Variants in GALNT9 observed in about 807,000 individuals in gnomAD.
GALNT9 encodes the protein polypeptide N-acetylgalactosaminyltransferase 9, also known as GalNAc transferase 9.
In GALNT9, 47 loss-of-function variants were observed where a neutral mutation model predicts 63.1. That is an observed-to-expected ratio of 0.75 (90% CI 0.59 to 0.95). The LOEUF (loss-of-function observed/expected upper bound fraction) is 0.95, where lower values mean the gene tolerates loss of function less well. Among genes scored for constraint, GALNT9 ranks in the 40% least tolerant of loss-of-function variants. The probability of loss-of-function intolerance (pLI) is 0.00; values close to 1 mark genes in which losing one functional copy is unlikely to be tolerated. For missense variants in GALNT9, 829 were observed against 874.8 expected (o/e 0.95, Z 0.66); for synonymous variants, 396 against 365.7 (o/e 1.08, Z -0.94).
intron 6 of GALNT9, among the ~76,000 whole-genome samples, chr12:132,213,671 G>A (rs1028360124): frequency 2.0e-5 from 3 of 152,226 alleles, no homozygotes; most frequent in Admixed American, 2.0e-4. Context: ...AGCTCATTCT[G>A]TGAGCACCTA....
rs1878704013 is a variant in GALNT9, at chr12:132,246,259, A to C, written c.1077+1651T>G. Among the ~76,000 whole-genome samples, 1 of 152,226 alleles carries C rather than the reference A, an allele frequency of 6.6e-6. No individual in the cohort carries two copies. The highest frequency in any genetic ancestry group is 1.5e-5 in the Non-Finnish European group (1 of 68,050). The stretch of plus-strand genomic sequence containing the variant: ...TTTAAAAATGTGTAATTGAGGATTG[A>C]TTCTAGATGTGCAGTTTAAAATCGG... On this transcript the variant is annotated intron_variant, in intron 6 of 10. Transcript: ENST00000328957. This position sits in a 1 kb window ranked among gnomAD's most constrained non-coding sequence, Gnocchi z 4.7.
chr12:132,214,446 C>T lies in GALNT9; in HGVS notation c.1078-10756G>A, dbSNP rs76671685. On this transcript the variant is annotated intron_variant, in intron 6 of 10. Coordinates refer to ENST00000328957, the MANE Select transcript of GALNT9 (RefSeq NM_001122636.2). Reference sequence around the variant, plus strand: ...CTAGAGCTAGTGAGCACCCCCCCAGCGTCTTTCCAAATGCAAACCAGGCAA... The same window carrying T: ...CTAGAGCTAGTGAGCACCCCCCCAGTGTCTTTCCAAATGCAAACCAGGCAA... Among the ~76,000 whole-genome samples the T allele has an allele frequency of 6.9e-3, 1,048 of 152,348 alleles. 15 individuals are homozygous for T. The highest frequency in any genetic ancestry group is 0.022 in the African/African-American group (930 of 41,588).
intron 6 of GALNT9, among the ~76,000 whole-genome samples, chr12:132,225,364 TCA>T (rs1215616416): frequency 2.9e-5 from 3 of 103,738 alleles, no homozygotes; most frequent in African/African-American, 1.2e-4. Context: ...ACCACACAAC[TCA>T]CACCCCACAC....
chr12:132,226,032 C>T (rs1299243867), intron 6 of GALNT9, among the ~76,000 whole-genome samples: 1 of 140,422 alleles, frequency 7.1e-6, no homozygotes, highest in East Asian at 2.3e-4. Flanking sequence ...CCACATACAC[C>T]CCATACACAC....
At position 132,197,260 on chromosome 12, in the gene GALNT9, G is replaced by A; in HGVS notation, c.1666-7C>T. ...GGCTCACAATGGGGCCACTCTGTGG[G>A]GACAGGCACATCAAGTCAGCCAGGT... On this transcript the variant is annotated splice_region_variant and splice_polypyrimidine_tract_variant and intron_variant, in intron 10 of 10. Coordinates refer to ENST00000328957, the MANE Select transcript of GALNT9 (RefSeq NM_001122636.2). 9.3e-6 allele frequency: 15 copies of A among 1,610,298 alleles called. No homozygotes were observed. Among genetic ancestry groups the A allele is most frequent in the Non-Finnish European group, 1.2e-5 (14 of 1,179,590 alleles).
intron 2 of GALNT9, chr12:132,283,686 T>A (rs1173882974): frequency 6.6e-6 from 1 of 152,024 alleles, no homozygotes; most frequent in East Asian, 1.9e-4. Flanking sequence ...GCTCGGGGGC[T>A]CCTGGCTGGC....
chr12:132,243,345 T>C (rs1555237618), intron 6 of GALNT9, among the ~76,000 whole-genome samples: 1 of 138,152 alleles, frequency 7.2e-6, no homozygotes, highest in South Asian at 2.5e-4. Context: ...CGGGGGGCCA[T>C]CAGGGCCCCC....
At chr12:132,303,943 G>A (rs1346601984) in intron 1 of GALNT9, among the ~76,000 whole-genome samples, 2 of 38,870 alleles carry the variant, frequency 5.1e-5, no homozygotes, top group African/African-American at 2.1e-4. Context: ...ACCCTCGCCC[G>A]GGCACACCCT....
chr12:132,207,886 A>G (rs1185019846), intron 6 of GALNT9, among the ~76,000 whole-genome samples: 1 of 152,212 alleles, frequency 6.6e-6, no homozygotes, highest in East Asian at 1.9e-4. Context: ...TCCCTGCAAA[A>G]CAGGGAAAGA....
rs1297024874 is a variant in GALNT9, at chr12:132,304,502, C to T, written c.239-18072G>A. Reference sequence around the variant, plus strand: ...ACGCTCACCCAGACACACCCTTGCCCGGGCACACCCTCGCCCGGACACACC... The same window carrying T: ...ACGCTCACCCAGACACACCCTTGCCTGGGCACACCCTCGCCCGGACACACC... On this transcript the variant is annotated intron_variant, in intron 1 of 10. Coordinates refer to ENST00000328957, the MANE Select transcript of GALNT9 (RefSeq NM_001122636.2). 9.4e-5 allele frequency among the ~76,000 whole-genome samples: 6 copies of T among 63,964 alleles called. 1 individual carries two copies. Among genetic ancestry groups the T allele is most frequent in the East Asian group, 6.9e-4 (1 of 1,458 alleles). The allele number at this position is 63,964 out of a possible 152,430, so 42.0% of individuals were successfully genotyped here.
intron 4 of GALNT9, 26 bp from the exon 5 acceptor site, chr12:132,257,912 G>A: frequency 6.8e-7 from 1 of 1,461,618 alleles, no homozygotes; most frequent in Non-Finnish European, 9.3e-7. Flanking sequence ...TGTGAGGAGG[G>A]GCGGCCCCAG....
chr12:132,285,798 C>G (rs1372924902), intron 2 of GALNT9, among the ~76,000 whole-genome samples: 1 of 152,012 alleles, frequency 6.6e-6, no homozygotes, highest in Non-Finnish European at 1.5e-5. Flanking sequence ...GAAGGATGCC[C>G]GCAGCCAAAA....
intron 6 of GALNT9, among the ~76,000 whole-genome samples, chr12:132,222,576 G>A (rs1214699002): frequency 6.6e-6 from 1 of 152,058 alleles, no homozygotes; most frequent in Non-Finnish European, 1.5e-5. Context: ...GGGGCACCGC[G>A]AGCAGCAGCT....
chr12:132,281,174 C>T (rs1442468164), intron 2 of GALNT9, among the ~76,000 whole-genome samples: 1 of 152,254 alleles, frequency 6.6e-6, no homozygotes, highest in African/African-American at 2.4e-5. Context: ...AAAGTGGTTC[C>T]TGGGAAGATG....
In GALNT9 at chr12:132,260,973, C is replaced by T. The variant is rs763150247; in HGVS notation, c.736G>A (p.Ala246Thr). The change falls in exon 4 of 11, where the codon GCC becomes ACC. Residue 246 changes from alanine to threonine, a missense_variant. Physicochemically the swap from Ala to Thr is moderately conservative, Grantham distance 58. Coordinates refer to ENST00000328957, the MANE Select transcript of GALNT9 (RefSeq NM_001122636.2). Reference protein sequence around the residue: ...ATAPVVGFFDAHVEFNTGWAE... With the variant: ...ATAPVVGFFDTHVEFNTGWAE... ...CAGCCCGTGTTGAACTCGACGTGGG[C>T]ATCAAAGAAGCCGACGACTGGGGCG... 6.5e-7 allele frequency: 1 copy of T among 1,547,482 alleles called. No homozygotes were observed. The highest frequency in any genetic ancestry group is 1.2e-5 in the South Asian group (1 of 83,730).
intron 1 of GALNT9, among the ~76,000 whole-genome samples, chr12:132,300,889 G>A (rs1337716863): frequency 2.0e-5 from 3 of 152,196 alleles, no homozygotes; most frequent in African/African-American, 4.8e-5. Context: ...CCACATTAAG[G>A]GCATTAACCC....
intron 1 of GALNT9, among the ~76,000 whole-genome samples, chr12:132,301,329 G>A (rs1881288436): frequency 6.6e-6 from 1 of 152,252 alleles, no homozygotes; most frequent in African/African-American, 2.4e-5. Context: ...GACAGTGCCT[G>A]CCTGGCCTTG....
chr12:132,199,297 CCA>C, intron 8 of GALNT9, 28 bp from the exon 9 acceptor site: 1 of 1,524,976 alleles, frequency 6.6e-7, no homozygotes, highest in Non-Finnish European at 9.0e-7. Context: ...AGGAGAAAGT[CCA>C]GAGTCACCCG....
Position 132,196,749 on chromosome 12 carries a change from A to G in GALNT9, c.*358T>C, listed in dbSNP as rs963621403. The G allele has an allele frequency of 8.6e-5, 89 of 1,036,476 alleles. No individual in the cohort carries two copies. Among genetic ancestry groups the G allele is most frequent in the Non-Finnish European group, 9.6e-5 (83 of 862,644 alleles). The allele number at this position is 1,036,476 out of a possible 1,614,324, so 64.2% of individuals were successfully genotyped here. The stretch of plus-strand genomic sequence containing the variant: ...AAGACACCAGGGTGCAGCCTGGTGC[A>G]TGGTCCGGGGCTTGGCCTCCCTATG... On this transcript the variant is annotated 3_prime_UTR_variant, in exon 11 of 11. Transcript: ENST00000328957.
Sources: allele counts gnomAD v4.1 joint callset (sites outside exome capture counted in the v4.1 genomes callset), GRCh38; gene constraint gnomAD v4.1.1; non-coding constraint Gnocchi (gnomAD v3.1); transcripts MANE v1.5; gene names NCBI Gene and HGNC (gene_info 2026-07-23, HGNC 2026-07-21).